RNF8: variants seen among roughly 807,000 people sequenced by gnomAD.
The protein encoded by RNF8 is ring finger protein 8.
Under a neutral mutation model 59.3 loss-of-function variants are expected in RNF8, and 8 were observed. The ratio of observed to expected loss-of-function variants is 0.13; its 90% CI spans 0.08 to 0.24. The LOEUF (loss-of-function observed/expected upper bound fraction) is 0.24, where lower values mean the gene tolerates loss of function less well. RNF8 is among the 10% of genes least tolerant of loss of function. The pLI, the probability that RNF8 is intolerant of heterozygous loss-of-function variation, is 1.00. For missense variants in RNF8, 406 were observed against 572.6 expected, an observed-to-expected ratio of 0.71 and a Z score of 2.97; for synonymous variants, 162 against 200.0, an observed-to-expected ratio of 0.81 and a Z score of 1.60.
chr6:37,358,662 G>T (rs939896602), intron 1 of RNF8, among the ~76,000 whole-genome samples: 1 of 152,144 alleles, frequency 6.6e-6, no homozygotes, highest in Non-Finnish European at 1.5e-5. Flanking sequence ...AGTCGTGGTG[G>T]TCTTTGAGGG....
At chr6:37,361,422 G>A in intron 2 of RNF8, 1 of 452,054 alleles carries the variant, frequency 2.2e-6, no homozygotes, top group Non-Finnish European at 4.5e-6. Context: ...ATCAACAAAG[G>A]GATTGCACCT....
chr6:37,378,019 T>C (rs1770091654), intron 6 of RNF8, among the ~76,000 whole-genome samples: 1 of 152,148 alleles, frequency 6.6e-6, no homozygotes. Flanking sequence ...GAAGGCCAGG[T>C]GCAGTGGCTC....
At chr6:37,374,807 T>C in intron 5 of RNF8, 98 bp downstream of exon 5, 1 of 817,382 alleles carries the variant, frequency 1.2e-6, no homozygotes, top group Non-Finnish European at 2.0e-6. Context: ...AGAGAGAAAT[T>C]ATGGCTGCTC....
At chr6:37,364,156 G>A (rs372464434) in intron 2 of RNF8, among the ~76,000 whole-genome samples, 2 of 146,574 alleles carry the variant, frequency 1.4e-5, no homozygotes, top group East Asian at 2.0e-4. Flanking sequence ...TCCAGCCTGG[G>A]GGACAGAGCG....
At chr6:37,388,308 A>G (rs1452045078) in intron 7 of RNF8, among the ~76,000 whole-genome samples, 3 of 152,196 alleles carry the variant, frequency 2.0e-5, no homozygotes, top group Non-Finnish European at 4.4e-5. Context: ...TGAGTTGATG[A>G]TGATGCATTT....
At chr6:37,382,676 A>G (rs1278949275) in intron 7 of RNF8, among the ~76,000 whole-genome samples, 1 of 152,134 alleles carries the variant, frequency 6.6e-6, no homozygotes, top group Non-Finnish European at 1.5e-5. Context: ...AAATGGCTTC[A>G]CAAAACATCA....
chr6:37,377,102 C>T (rs1355819445), intron 6 of RNF8, 69 bp downstream of exon 6: 7 of 781,586 alleles, frequency 9.0e-6, no homozygotes, highest in East Asian at 3.1e-5. Context: ...GACAGAGTCT[C>T]ACTCTGTCAA....
chr6:37,361,950 TATA>T (rs1272816844), intron 2 of RNF8, among the ~76,000 whole-genome samples: 1 of 152,250 alleles, frequency 6.6e-6, no homozygotes, highest in African/African-American at 2.4e-5. Flanking sequence ...AAGCCTTCTC[TATA>T]ATGAGCCAGG....
At chr6:37,379,375 T>C (rs1338220842) in intron 6 of RNF8, among the ~76,000 whole-genome samples, 1 of 152,192 alleles carries the variant, frequency 6.6e-6, no homozygotes, top group East Asian at 1.9e-4. Context: ...ATAAACACAA[T>C]GTTTCCTAGC....
At chr6:37,369,768 G>A (rs1769726279) in intron 3 of RNF8, 1 of 153,508 alleles carries the variant, frequency 6.5e-6, no homozygotes, top group Non-Finnish European at 1.5e-5. Flanking sequence ...GGCAGAAAAT[G>A]TTTTTGTTTC....
chr6:37,392,842 T>G lies in RNF8; in HGVS notation c.*2084T>G. 1 of 383,282 alleles carries G rather than the reference T, an allele frequency of 2.6e-6. No homozygotes were observed. The highest frequency in any genetic ancestry group is 3.8e-5 in the East Asian group (1 of 26,622). The allele number at this position is 383,282 out of a possible 1,614,324, so 23.7% of individuals were successfully genotyped here. On this transcript the variant is annotated 3_prime_UTR_variant, in exon 8 of 8. Transcript: ENST00000373479. The stretch of plus-strand genomic sequence containing the variant: ...TTTTTAAAAATTATTTTATTATTTT[T>G]TAATAGAGACTATGTTGCCTAGGCT...
intron 7 of RNF8, among the ~76,000 whole-genome samples, chr6:37,385,044 G>A (rs543410812): frequency 3.3e-5 from 5 of 151,222 alleles, no homozygotes; most frequent in South Asian, 2.1e-4. Flanking sequence ...ATGGCGTTTC[G>A]CTCTTGTTGC....
Position 37,366,299 on chromosome 6 carries a change from A to C in RNF8, c.241-2185A>C, listed in dbSNP as rs1185271813. Among the ~76,000 whole-genome samples the C allele has an allele frequency of 2.0e-5, 3 of 152,098 alleles. No individual in the cohort carries two copies. The East Asian group carries it at 5.8e-4, about 29-fold the overall frequency. On this transcript the variant is annotated intron_variant, in intron 2 of 7. Transcript: ENST00000373479. Reference sequence around the variant, plus strand: ...ATTAGGTGGCCTTCTGTGTCTTACTACTTTTTCTGAGACCTTTTTCCTGTG... The same window carrying C: ...ATTAGGTGGCCTTCTGTGTCTTACTCCTTTTTCTGAGACCTTTTTCCTGTG...
chr6:37,392,302 A>G lies in RNF8; in HGVS notation c.*1544A>G. The G allele has an allele frequency of 2.5e-6, 1 of 397,132 alleles. No homozygotes were observed. The highest frequency in any genetic ancestry group is 4.4e-6 in the Non-Finnish European group (1 of 225,622). The allele number at this position is 397,132 out of a possible 1,614,324, so 24.6% of individuals were successfully genotyped here. A position where few individuals can be genotyped will look rare whatever the true frequency, so the allele number is the denominator to read the frequency against. On this transcript the variant is annotated 3_prime_UTR_variant, in exon 8 of 8. Transcript: ENST00000373479. ...ATTGCATGGGTATATGTCAATTTTTATATGTTCTGTGTTTAGTTTACATAT... is the reference window on the plus strand; with the variant it reads ...ATTGCATGGGTATATGTCAATTTTTGTATGTTCTGTGTTTAGTTTACATAT...
chr6:37,367,616 G>C (rs1769613736), intron 2 of RNF8, among the ~76,000 whole-genome samples: 2 of 152,080 alleles, frequency 1.3e-5, no homozygotes, highest in African/African-American at 2.4e-5. Context: ...GTTGGCCAGG[G>C]TGGTCTTGAA....
intron 1 of RNF8, among the ~76,000 whole-genome samples, chr6:37,354,774 G>GC (rs71819070): frequency 0.31 from 46,738 of 151,812 alleles, 14,476 homozygotes; most frequent in African/African-American, 0.8. Flanking sequence ...GCCCCGCGGT[G>GC]CCAGGTCGGG....
chr6:37,385,956 T>C (rs1554193986), intron 7 of RNF8, among the ~76,000 whole-genome samples: 1 of 151,082 alleles, frequency 6.6e-6, no homozygotes, highest in Non-Finnish European at 1.5e-5. Flanking sequence ...TACCTCAGCC[T>C]CCCAAGTAGC....
In RNF8 at chr6:37,354,131, C is replaced by A; in HGVS notation, c.-34C>A. The A allele has an allele frequency of 6.5e-7, 1 of 1,544,568 alleles. No individual in the cohort carries two copies. The highest frequency in any genetic ancestry group is 8.8e-7 in the Non-Finnish European group (1 of 1,139,714). ...AGCCAGAACCTAGGTCAGGGTCTCGCTCGGTGCTGACCGCCCCCGGGGTCG... is the reference window on the plus strand; with the variant it reads ...AGCCAGAACCTAGGTCAGGGTCTCGATCGGTGCTGACCGCCCCCGGGGTCG... On this transcript the variant is annotated 5_prime_UTR_variant, in exon 1 of 8. Transcript: ENST00000373479.
chr6:37,356,555 G>A (rs143783887), intron 1 of RNF8, among the ~76,000 whole-genome samples: 23 of 152,298 alleles, frequency 1.5e-4, no homozygotes, highest in Admixed American at 1.5e-3. Flanking sequence ...AATGCATAGA[G>A]TTTGGTGGAA....
Sources: gnomAD v4.1 joint callset for allele counts (sites outside exome capture counted in the v4.1 genomes callset) on GRCh38, gnomAD v4.1.1 for gene constraint, MANE v1.5 for transcripts, NCBI Gene and HGNC (gene_info 2026-07-23, HGNC 2026-07-21) for gene names.